Variants in SCARA3 observed in about 807,000 individuals in gnomAD.
SCARA3 encodes the protein cellular stress response gene protein.
SCARA3 carries 39 observed loss-of-function variants against 47.0 expected under a neutral mutation model. That is an observed-to-expected ratio of 0.83 (90% CI 0.64 to 1.08). The LOEUF is 1.08. Ranked by LOEUF, SCARA3 falls within the 50% of genes least tolerant of loss-of-function variation. SCARA3 has a pLI of 0.00. For missense variants in SCARA3, 724 were observed against 792.3 expected, an observed-to-expected ratio of 0.91 and a Z score of 1.04; for synonymous variants, 356 against 334.1, an observed-to-expected ratio of 1.07 and a Z score of -0.71.
intron 1 of SCARA3, among the ~76,000 whole-genome samples, chr8:27,646,689 G>A (rs1334380443): frequency 1.3e-5 from 2 of 152,128 alleles, no homozygotes; most frequent in Non-Finnish European, 2.9e-5. Flanking sequence ...CTGGAGGTGA[G>A]AGGCCATGGC....
chr8:27,652,161 A>T (rs1458192816), intron 3 of SCARA3, among the ~76,000 whole-genome samples: 1 of 152,176 alleles, frequency 6.6e-6, no homozygotes, highest in African/African-American at 2.4e-5. Flanking sequence ...CCTCAGCCAG[A>T]CCTGCTGAGA....
the SCARA3 span, among the ~76,000 whole-genome samples, chr8:27,729,434 C>G: frequency 6.6e-6 from 1 of 152,186 alleles, no homozygotes; most frequent in African/African-American, 2.4e-5. Flanking sequence ...AGCTCTATTC[C>G]TCATCTCCCA....
At chr8:27,655,396 C>T (rs1043313787) in intron 3 of SCARA3, among the ~76,000 whole-genome samples, 21 of 152,148 alleles carry the variant, frequency 1.4e-4, no homozygotes, top group Non-Finnish European at 2.2e-4. Flanking sequence ...CCATGCCCTC[C>T]CTCACTACCA....
the SCARA3 span, among the ~76,000 whole-genome samples, chr8:27,715,779 A>T: frequency 2.6e-5 from 4 of 152,126 alleles, no homozygotes; most frequent in South Asian, 2.1e-4. This position sits in a 1 kb window ranked among gnomAD's most constrained non-coding sequence, Gnocchi z 4.2. Flanking sequence ...ACAGGCAGAG[A>T]TAGATGATGG....
the SCARA3 span, among the ~76,000 whole-genome samples, chr8:27,706,734 T>C: frequency 1.3e-5 from 2 of 151,566 alleles, no homozygotes; most frequent in African/African-American, 2.4e-5. Context: ...GGGGACTGAG[T>C]GGATGTTGCA....
chr8:27,709,549 G>T, the SCARA3 span, among the ~76,000 whole-genome samples: 2 of 152,134 alleles, frequency 1.3e-5, no homozygotes, highest in East Asian at 3.8e-4. Context: ...AGGCGCTTGG[G>T]GGCTGTTTGT....
chr8:27,635,637 A>T (rs1301557513), intron 1 of SCARA3, among the ~76,000 whole-genome samples: 3 of 137,552 alleles, frequency 2.2e-5, no homozygotes, highest in Admixed American at 7.3e-5. Flanking sequence ...TTTTTTTTTG[A>T]TAGATATGGG....
At chr8:27,658,400 T>C in intron 4 of SCARA3, 96 bp from the exon 5 acceptor site, 1 of 1,223,412 alleles carries the variant, frequency 8.2e-7, no homozygotes, top group Non-Finnish European at 1.1e-6. Flanking sequence ...GGGAAGCTAC[T>C]AACCAATTTC....
At chr8:27,686,581 G>A in the SCARA3 span, among the ~76,000 whole-genome samples, 3 of 151,944 alleles carry the variant, frequency 2.0e-5, no homozygotes, top group Non-Finnish European at 2.9e-5. Flanking sequence ...CTCCTGGGGG[G>A]CCAGGCTGCT....
downstream of SCARA3, among the ~76,000 whole-genome samples, chr8:27,673,677 C>G (rs944400904): frequency 3.3e-5 from 5 of 152,080 alleles, no homozygotes; most frequent in African/African-American, 1.2e-4. Context: ...TCCCTCCTCC[C>G]CACTGACATC....
At chr8:27,700,352 G>T in the SCARA3 span, among the ~76,000 whole-genome samples, 3 of 151,978 alleles carry the variant, frequency 2.0e-5, no homozygotes, top group African/African-American at 7.2e-5. Context: ...ATGGATGAAA[G>T]TCCCAGCACT....
At chr8:27,696,174 T>A in the SCARA3 span, among the ~76,000 whole-genome samples, 1 of 151,958 alleles carries the variant, frequency 6.6e-6, no homozygotes, top group South Asian at 2.1e-4. Context: ...CATGCCTGGC[T>A]AATTTTAAAT....
At chr8:27,665,598 G>A (rs918516174) in intron 5 of SCARA3, among the ~76,000 whole-genome samples, 6 of 152,052 alleles carry the variant, frequency 3.9e-5, no homozygotes, top group African/African-American at 1.4e-4. Context: ...TCTCAAACTC[G>A]GGCTCAAGCA....
At chr8:27,649,956 G>A (rs754934382) in intron 2 of SCARA3, among the ~76,000 whole-genome samples, 156 bp downstream of exon 2, 6 of 152,140 alleles carry the variant, frequency 3.9e-5, no homozygotes, top group Admixed American at 6.5e-5. Flanking sequence ...CAGAGTTCAC[G>A]GCCCTGGGCG....
At chr8:27,708,463 G>A in the SCARA3 span, among the ~76,000 whole-genome samples, 1 of 152,072 alleles carries the variant, frequency 6.6e-6, no homozygotes, top group South Asian at 2.1e-4. Context: ...AGAGGATGGG[G>A]TGGGGGACAT....
intron 1 of SCARA3, among the ~76,000 whole-genome samples, chr8:27,644,944 AC>A (rs1423531240): frequency 6.6e-6 from 1 of 152,020 alleles, no homozygotes; most frequent in Non-Finnish European, 1.5e-5. Context: ...CCAAACAAGA[AC>A]CCTTGGAGCT....
the SCARA3 span, among the ~76,000 whole-genome samples, chr8:27,708,023 G>C: frequency 6.6e-6 from 1 of 152,118 alleles, no homozygotes; most frequent in Non-Finnish European, 1.5e-5. Context: ...AAAACTATAA[G>C]AGAATAGGCC....
chr8:27,670,500 GTC>G (rs1802120725), intron 5 of SCARA3, among the ~76,000 whole-genome samples: 3 of 152,148 alleles, frequency 2.0e-5, no homozygotes, highest in Non-Finnish European at 4.4e-5. Flanking sequence ...TCTCCTCCAT[GTC>G]ACCTGACTTG....
chr8:27,686,812 A>G, the SCARA3 span, among the ~76,000 whole-genome samples: 1 of 152,166 alleles, frequency 6.6e-6, no homozygotes, highest in African/African-American at 2.4e-5. Context: ...TTTTAAGTTC[A>G]GGGTACATGT....
Sources: gnomAD v4.1 joint callset for allele counts (sites outside exome capture counted in the v4.1 genomes callset) on GRCh38, gnomAD v4.1.1 for gene constraint, Gnocchi (gnomAD v3.1) non-coding constraint, MANE v1.5 for transcripts, NCBI Gene and HGNC (gene_info 2026-07-23, HGNC 2026-07-21) for gene names.